IRAK2: variants seen among roughly 807,000 people sequenced by gnomAD.
IRAK2 encodes the protein interleukin 1 receptor associated kinase 2.
Under a neutral mutation model 72.0 loss-of-function variants are expected in IRAK2, and 57 were observed. The observed-to-expected ratio is 0.79, with a 90% CI of 0.64 to 0.99. The LOEUF is 0.99. Among genes scored for constraint, IRAK2 ranks in the 50% least tolerant of loss-of-function variants. The probability of loss-of-function intolerance (pLI) is 0.00; values close to 1 mark genes in which losing one functional copy is unlikely to be tolerated. For missense variants in IRAK2, 790 were observed against 794.4 expected, an observed-to-expected ratio of 0.99 and a Z score of 0.07; for synonymous variants, 293 against 312.7, an observed-to-expected ratio of 0.94 and a Z score of 0.67.
chr3:10,241,892 G>C (rs1698066318), intron 12 of IRAK2, among the ~76,000 whole-genome samples: 1 of 146,562 alleles, frequency 6.8e-6, no homozygotes, highest in Non-Finnish European at 1.5e-5. Context: ...AGGATCACCT[G>C]AACCTGTGAG....
Position 10,242,116 on chromosome 3 carries a change from T to G in IRAK2, c.1766T>G (p.Val589Gly), listed in dbSNP as rs199926430. 1 of 1,576,946 alleles carries G rather than the reference T, an allele frequency of 6.3e-7. No individual in the cohort carries two copies. The highest frequency in any genetic ancestry group is 2.2e-5 in the East Asian group (1 of 44,684). Residue 589 changes from valine to glycine, a missense_variant and splice_region_variant, in exon 13 of 13, where the codon GTT becomes GGT. By Grantham distance (109) the Val-to-Gly change is moderately radical (BLOSUM62 -3). Coordinates refer to ENST00000256458, the MANE Select transcript of IRAK2 (RefSeq NM_001570.4). ...TTGTTTGCTTTCTGTTGAACATCAG[T>G]TACAGAAACTTCGTGGCAAATTGAG... Reference protein sequence around the residue: ...ACVGLEPPQDVTETSWQIEIN... With the variant: ...ACVGLEPPQDGTETSWQIEIN...
At position 10,234,660 on chromosome 3, in the gene IRAK2, G is replaced by C; in HGVS notation, c.1473+1G>C. The C allele has an allele frequency of 6.2e-7, 1 of 1,611,212 alleles. No individual in the cohort carries two copies. The highest frequency in any genetic ancestry group is 8.5e-7 in the Non-Finnish European group (1 of 1,178,820). On this transcript the variant is annotated splice_donor_variant, in intron 11 of 12. Coordinates refer to ENST00000256458, the MANE Select transcript of IRAK2 (RefSeq NM_001570.4). LOFTEE classifies it high-confidence loss of function. ...GAGGCGTAACACCAGCCTGCAGGAGGTGAGCCTCGCCCGCAGCGGCCTCGC... is the reference window on the plus strand; with the variant it reads ...GAGGCGTAACACCAGCCTGCAGGAGCTGAGCCTCGCCCGCAGCGGCCTCGC...
intron 1 of IRAK2, among the ~76,000 whole-genome samples, chr3:10,165,870 A>G (rs1296868044): frequency 1.3e-5 from 2 of 151,990 alleles, no homozygotes; most frequent in African/African-American, 4.8e-5. Context: ...AGCTGGGACT[A>G]CAGGCGCCCG....
At chr3:10,199,950 C>T (rs1050423647) in intron 2 of IRAK2, among the ~76,000 whole-genome samples, 8 of 143,110 alleles carry the variant, frequency 5.6e-5, no homozygotes, top group African/African-American at 1.9e-4. Context: ...TGTAGTGGTG[C>T]GATCTTGGCT....
At chr3:10,226,023 A>C (rs527605651) in intron 9 of IRAK2, among the ~76,000 whole-genome samples, 1 of 152,300 alleles carries the variant, frequency 6.6e-6, no homozygotes, top group East Asian at 1.9e-4. Context: ...TAAATGAAAC[A>C]ATCTTTAAAA....
chr3:10,167,095 TAA>T (rs34759742), intron 1 of IRAK2, among the ~76,000 whole-genome samples: 1 of 150,384 alleles, frequency 6.6e-6, no homozygotes, highest in East Asian at 1.9e-4. Context: ...ACCTATGACT[TAA>T]AAAAAAAATA....
chr3:10,178,393 G>T (rs1206527606), intron 2 of IRAK2, among the ~76,000 whole-genome samples: 1 of 151,834 alleles, frequency 6.6e-6, no homozygotes. Flanking sequence ...GGAGGCGGAG[G>T]TTGCAGTGAG....
rs1460696069 is a variant in IRAK2 at position 10,165,430 on chromosome 3, GGGGTGT to G, written c.94+384_94+389del. 8.7e-4 allele frequency among the ~76,000 whole-genome samples: 126 copies of G among 145,500 alleles called. 2 individuals carry two copies. The South Asian group carries it at 0.027, about 31-fold the overall frequency. ...ACCCACGGTGCTGTCACTTCTTGGG[GGGGTGT>G]GTGTGTGTGTGTGTGTGGTGTGTTT... On this transcript the variant is annotated intron_variant, in intron 1 of 12. Transcript: ENST00000256458.
intron 10 of IRAK2, 81 bp downstream of exon 10, chr3:10,226,514 G>C: frequency 8.5e-7 from 1 of 1,181,164 alleles, no homozygotes; most frequent in East Asian, 2.5e-5. Flanking sequence ...CTCAATTCTA[G>C]CTAGTTTTAC....
intron 2 of IRAK2, among the ~76,000 whole-genome samples, chr3:10,198,963 G>C (rs1281742160): frequency 6.6e-6 from 1 of 152,170 alleles, no homozygotes; most frequent in African/African-American, 2.4e-5. Context: ...TGAATGCAGG[G>C]CTATAGCATC....
At position 10,243,514 on chromosome 3, in the gene IRAK2, C is replaced by G. The variant is rs1479484757; in HGVS notation, c.*1286C>G. ...TTGGGAGGAACAGATGAGACAGTGG[C>G]TATAGAAGCACTTGGAAAATGCACT... On this transcript the variant is annotated 3_prime_UTR_variant, in exon 13 of 13. Transcript: ENST00000256458. The G allele has an allele frequency of 6.6e-6, 1 of 152,520 alleles. No homozygotes were observed. The highest frequency in any genetic ancestry group is 1.5e-5 in the Non-Finnish European group (1 of 68,036). The allele number at this position is 152,520 out of a possible 1,614,324, so 9.4% of individuals were successfully genotyped here. A position where few individuals can be genotyped will look rare whatever the true frequency, so the allele number is the denominator to read the frequency against.
intron 6 of IRAK2, among the ~76,000 whole-genome samples, chr3:10,216,054 C>T (rs561945897): frequency 2.6e-5 from 4 of 152,204 alleles, no homozygotes; most frequent in South Asian, 2.1e-4. Context: ...CAGAGGAGGG[C>T]GGAGAGATAA....
At chr3:10,214,957 G>T (rs1287642582) in intron 6 of IRAK2, among the ~76,000 whole-genome samples, 1 of 151,974 alleles carries the variant, frequency 6.6e-6, no homozygotes, top group Admixed American at 6.6e-5. Flanking sequence ...AGCTGGGTGT[G>T]GTGGTGTATG....
At chr3:10,241,996 AAAAG>A (rs1436258897) in intron 12 of IRAK2, 116 bp from the exon 13 acceptor site, 2 of 512,786 alleles carry the variant, frequency 3.9e-6, no homozygotes, top group East Asian at 7.0e-5. Context: ...GAAAAAAAAA[AAAAG>A]AAATGCTCAT....
intron 2 of IRAK2, among the ~76,000 whole-genome samples, chr3:10,194,322 A>G (rs1338672552): frequency 1.3e-5 from 2 of 152,168 alleles, no homozygotes; most frequent in Admixed American, 6.5e-5. Context: ...TTTGGATCTC[A>G]TGATCCTGCA....
chr3:10,242,376 T>C lies in IRAK2; in HGVS notation c.*148T>C. The C allele has an allele frequency of 4.0e-6, 2 of 493,982 alleles. No homozygotes were observed. Among genetic ancestry groups the C allele is most frequent in the East Asian group, 3.2e-5 (1 of 30,994 alleles). 30.6% of individuals were successfully genotyped at this position (493,982 alleles called of 1,614,324 possible). ...GGGTGGGAGGGAAACTTCATTTCAC[T>C]GGAATGAGTTGGGAGAGAAAGGCCC... On this transcript the variant is annotated 3_prime_UTR_variant, in exon 13 of 13. Coordinates refer to ENST00000256458, the MANE Select transcript of IRAK2 (RefSeq NM_001570.4).
At chr3:10,219,103 C>T (rs916359646) in intron 7 of IRAK2, among the ~76,000 whole-genome samples, 3 of 152,098 alleles carry the variant, frequency 2.0e-5, no homozygotes, top group African/African-American at 2.4e-5. Context: ...GAGTCTGAGG[C>T]GGGAGAGTCA....
chr3:10,204,013 T>C (rs953716912), intron 3 of IRAK2, among the ~76,000 whole-genome samples: 5 of 152,364 alleles, frequency 3.3e-5, no homozygotes, highest in Non-Finnish European at 1.5e-5. Flanking sequence ...TGAAAGGGTT[T>C]TGAGCAGCTG....
chr3:10,189,429 G>A (rs1263717546), intron 2 of IRAK2, among the ~76,000 whole-genome samples: 1 of 152,226 alleles, frequency 6.6e-6, no homozygotes, highest in Admixed American at 6.5e-5. Context: ...TTCCACCTGG[G>A]AGTATCCCCT....
Sources: allele counts gnomAD v4.1 joint callset (sites outside exome capture counted in the v4.1 genomes callset), GRCh38; gene constraint gnomAD v4.1.1; transcripts MANE v1.5; gene names NCBI Gene and HGNC (gene_info 2026-07-23, HGNC 2026-07-21).